The following PCDHGA5 variants were observed in gnomAD, a reference collection of about 807,000 sequenced individuals.
PCDHGA5 encodes protocadherin gamma-A5.
In PCDHGA5, 36 loss-of-function variants were observed where a neutral mutation model predicts 56.7. That is an observed-to-expected ratio of 0.64 (90% confidence interval 0.49 to 0.84). The LOEUF (loss-of-function observed/expected upper bound fraction) is 0.84, where lower values mean the gene tolerates loss of function less well. PCDHGA5 is among the 40% of genes least tolerant of loss of function. The probability of loss-of-function intolerance (pLI) is 0.00; values close to 1 mark genes in which losing one functional copy is unlikely to be tolerated. For synonymous variants in PCDHGA5, 563 were observed against 520.2 expected, an observed-to-expected ratio of 1.08 and a Z score of -1.12; for missense variants, 1,305 against 1,201.5, an observed-to-expected ratio of 1.09 and a Z score of -1.27.
chr5:141,461,389 G>T (rs2099014363), intron 1 of PCDHGA5, among the ~76,000 whole-genome samples: 1 of 152,110 alleles, frequency 6.6e-6, no homozygotes. Context: ...CTGATGATTA[G>T]CGATGTTGAG....
chr5:141,405,332 T>C, intron 1 of PCDHGA5: 1 of 1,614,222 alleles, frequency 6.2e-7, no homozygotes, highest in Non-Finnish European at 8.5e-7. Flanking sequence ...TTTGTGCGTC[T>C]CTGTTGATTC....
intron 1 of PCDHGA5, chr5:141,422,006 C>G: frequency 6.2e-7 from 1 of 1,609,754 alleles, no homozygotes; most frequent in Non-Finnish European, 8.5e-7. Flanking sequence ...AGCTCCGGAA[C>G]TCGGGTGCTG....
rs201006002 is a variant in PCDHGA5, at chr5:141,432,497, C to T, written c.2422-62310C>T. 7 of 1,614,062 alleles carry T rather than the reference C, an allele frequency of 4.3e-6. 1 individual carries two copies. In the South Asian group the frequency reaches 6.6e-5, roughly 15 times the overall value. On this transcript the variant is annotated intron_variant, in intron 1 of 3. Transcript: ENST00000518069. This position sits in a 1 kb window ranked among gnomAD's most constrained non-coding sequence, Gnocchi z 6.0. Reference sequence around the variant, plus strand: ...TTCCACTGGCGTGGAGCTGGCTCCCCGCTCCGCAGAGCCCGGCTACCTGGT... The same window carrying T: ...TTCCACTGGCGTGGAGCTGGCTCCCTGCTCCGCAGAGCCCGGCTACCTGGT...
At chr5:141,475,764 C>T (rs2154573514) in intron 1 of PCDHGA5, among the ~76,000 whole-genome samples, 1 of 152,380 alleles carries the variant, frequency 6.6e-6, no homozygotes, top group South Asian at 2.1e-4. Flanking sequence ...CCGATACTGG[C>T]AAGGCGCTTT....
Position 141,413,494 on chromosome 5 carries a change from G to T in PCDHGA5, c.2421+46743G>T, listed in dbSNP as rs778441176. On this transcript the variant is annotated intron_variant, in intron 1 of 3. Transcript: ENST00000518069. ...GCTCTGCGCTCAGAGCGCGCGGTGCGTGGTGAGTTTTAATATCCTTGTGGA... is the reference window on the plus strand; with the variant it reads ...GCTCTGCGCTCAGAGCGCGCGGTGCTTGGTGAGTTTTAATATCCTTGTGGA... The T allele has an allele frequency of 5.0e-6, 8 of 1,614,042 alleles. No individual in the cohort carries two copies. The East Asian group carries it at 1.3e-4, about 27-fold the overall frequency.
In PCDHGA5 at chr5:141,511,036, G is replaced by T; in HGVS notation, c.2659G>T (p.Val887Leu). The T allele has an allele frequency of 1.2e-6, 2 of 1,614,200 alleles. No homozygotes were observed. The highest frequency in any genetic ancestry group is 1.7e-6 in the Non-Finnish European group (2 of 1,180,024). Residue 887 changes from valine to leucine, a missense_variant, in exon 4 of 4, where the codon GTG (valine) becomes TTG (leucine). Transcript: ENST00000518069. ...RYGPQFTLQHVPDYRQNVYIP... is the reference protein window; with the variant it reads ...RYGPQFTLQHLPDYRQNVYIP... Reference sequence around the variant, plus strand: ...CGGACCCCAGTTCACCCTGCAGCACGTGCCCGACTACCGCCAGAATGTCTA... The same window carrying T: ...CGGACCCCAGTTCACCCTGCAGCACTTGCCCGACTACCGCCAGAATGTCTA...
chr5:141,409,033 A>T, intron 1 of PCDHGA5: 1 of 1,614,028 alleles, frequency 6.2e-7, no homozygotes, highest in Non-Finnish European at 8.5e-7. Context: ...ATGCTGAGAT[A>T]AACTACTACT....
In PCDHGA5 at chr5:141,389,259, G is replaced by T. The variant is rs374136353; in HGVS notation, c.2421+22508G>T. ...CTCACAGTCTTCCTATATAGTCCAC[G>T]TGGCCGAGAACAACCCGCCTGGAGC... On this transcript the variant is annotated intron_variant, in intron 1 of 3. Transcript: ENST00000518069. The T allele has an allele frequency of 1.4e-5, 22 of 1,613,888 alleles. No individual in the cohort carries two copies. The African/African-American group carries it at 2.4e-4, about 18-fold the overall frequency.
At chr5:141,434,223 A>G (rs1164673241) in intron 1 of PCDHGA5, among the ~76,000 whole-genome samples, 1 of 152,214 alleles carries the variant, frequency 6.6e-6, no homozygotes, top group Non-Finnish European at 1.5e-5. Context: ...TAAACAAAGT[A>G]CGATTTCTGG....
chr5:141,489,775 T>C lies in PCDHGA5; in HGVS notation c.2422-5032T>C, dbSNP rs748163008. The C allele has an allele frequency of 6.2e-7, 1 of 1,614,110 alleles. No homozygotes were observed. The highest frequency in any genetic ancestry group is 8.5e-7 in the Non-Finnish European group (1 of 1,179,986). Reference sequence around the variant, plus strand: ...CACTCTAAGCCCCAACAGCCACTTCTCTCTGAATGTGAAGACCCTAAAAGA... The same window carrying C: ...CACTCTAAGCCCCAACAGCCACTTCCCTCTGAATGTGAAGACCCTAAAAGA... On this transcript the variant is annotated intron_variant, in intron 1 of 3. Coordinates refer to ENST00000518069, the MANE Select transcript of PCDHGA5 (RefSeq NM_018918.3). This position sits in a 1 kb window ranked among gnomAD's most constrained non-coding sequence, Gnocchi z 4.5.
intron 1 of PCDHGA5, chr5:141,413,855 C>A: frequency 3.7e-6 from 6 of 1,613,324 alleles, no homozygotes; most frequent in Non-Finnish European, 5.1e-6. Flanking sequence ...CCTCTCCGAT[C>A]TGGCACTGTC....
At chr5:141,447,768 T>C (rs1392134454) in intron 1 of PCDHGA5, among the ~76,000 whole-genome samples, 1 of 152,212 alleles carries the variant, frequency 6.6e-6, no homozygotes, top group East Asian at 1.9e-4. Context: ...ATATAAATTA[T>C]ACTTTAATTG....
At chr5:141,393,322 A>C (rs780040037) in intron 1 of PCDHGA5, 21 of 1,611,334 alleles carry the variant, frequency 1.3e-5, no homozygotes, top group Middle Eastern at 1.6e-4. Context: ...CTCCAGAGCT[A>C]CCAGCTCAGC....
chr5:141,395,077 AG>A lies in PCDHGA5; in HGVS notation c.2421+28328del, dbSNP rs747226962. 4.3e-6 allele frequency: 7 copies of A among 1,614,024 alleles called. No individual in the cohort carries two copies. The African/African-American group carries it at 9.3e-5, about 22-fold the overall frequency. On this transcript the variant is annotated intron_variant, in intron 1 of 3. Transcript: ENST00000518069. ...CAGGCTTTCCTGCAGACCTATTCCC[AG>A]GAAGTCTCCCTCACCGCCGACTCGC...
chr5:141,410,158 G>T (rs755466762), intron 1 of PCDHGA5: 2 of 1,613,516 alleles, frequency 1.2e-6, no homozygotes, highest in Non-Finnish European at 8.5e-7. Context: ...GTGGACAGCC[G>T]CCACTCTCTG....
chr5:141,415,031 G>T lies in PCDHGA5; in HGVS notation c.2421+48280G>T, dbSNP rs982540695. The T allele has an allele frequency of 6.2e-6, 10 of 1,613,464 alleles. No individual in the cohort carries two copies. The highest frequency in any genetic ancestry group is 6.8e-6 in the Non-Finnish European group (8 of 1,179,984). On this transcript the variant is annotated intron_variant, in intron 1 of 3. Transcript: ENST00000518069. ...CGTCTGCTCAAGGCCAGCGAGCCGGGACTCTTCGCGGTGGGGGAGCACACG... is the reference window on the plus strand; with the variant it reads ...CGTCTGCTCAAGGCCAGCGAGCCGGTACTCTTCGCGGTGGGGGAGCACACG...
At chr5:141,405,442 CAG>C in intron 1 of PCDHGA5, 1 of 1,378,150 alleles carries the variant, frequency 7.3e-7, no homozygotes, top group South Asian at 1.3e-5. Context: ...GTTTTTGAGA[CAG>C]AGTCTTACTC....
At chr5:141,394,430 C>T (rs2150569215) in intron 1 of PCDHGA5, 1 of 1,614,244 alleles carries the variant, frequency 6.2e-7, no homozygotes, top group African/African-American at 1.3e-5. Context: ...ACAGCGGGGA[C>T]CCGCCCCTCA....
At chr5:141,418,572 A>G (rs777784393) in intron 1 of PCDHGA5, 5 of 1,613,794 alleles carry the variant, frequency 3.1e-6, no homozygotes, top group Non-Finnish European at 4.2e-6. Flanking sequence ...GCCAATGACA[A>G]CCCCCCAGTG....
Sources: gnomAD v4.1 joint callset for allele counts (sites outside exome capture counted in the v4.1 genomes callset) on GRCh38, gnomAD v4.1.1 for gene constraint, Gnocchi (gnomAD v3.1) non-coding constraint, MANE v1.5 for transcripts, NCBI Gene and HGNC (gene_info 2026-07-23, HGNC 2026-07-21) for gene names.